GRIN2A: variants seen among roughly 807,000 people sequenced by gnomAD.
GRIN2A encodes glutamate receptor ionotropic, NMDA 2A.
In GRIN2A, 22 loss-of-function variants were observed where a neutral mutation model predicts 113.4. That is an observed-to-expected ratio of 0.19 (90% confidence interval 0.14 to 0.28). The LOEUF is 0.28. GRIN2A is among the 10% of genes least tolerant of loss of function. The pLI is 1.00. For missense variants in GRIN2A, 1,502 were observed against 1,887.0 expected (o/e 0.80, Z 3.78); for synonymous variants, 827 against 738.4 (o/e 1.12, Z -1.94).
chr16:9,909,149 G>C (rs2044085146), intron 3 of GRIN2A, among the ~76,000 whole-genome samples: 2 of 152,188 alleles, frequency 1.3e-5, no homozygotes, highest in South Asian at 4.1e-4. Context: ...TTACATGGAA[G>C]GGAGCAGGCA....
intron 3 of GRIN2A, among the ~76,000 whole-genome samples, chr16:9,928,073 G>A (rs531160292): frequency 6.6e-6 from 1 of 152,306 alleles, no homozygotes; most frequent in South Asian, 2.1e-4. Flanking sequence ...CCATGCCCAC[G>A]CAGAACACAG....
intron 2 of GRIN2A, among the ~76,000 whole-genome samples, chr16:10,045,013 C>T (rs780339347): frequency 1.5e-4 from 23 of 152,080 alleles, no homozygotes; most frequent in Non-Finnish European, 2.2e-4. Flanking sequence ...AAACATTTAC[C>T]GTACATTATC....
At chr16:10,172,437 C>T (rs891241601) in intron 2 of GRIN2A, among the ~76,000 whole-genome samples, 1 of 152,226 alleles carries the variant, frequency 6.6e-6, no homozygotes, top group African/African-American at 2.4e-5. Context: ...CCAGGAGCAG[C>T]CCCTGGAAGA....
At chr16:10,096,368 C>CTTCTCACCCAGTAGGTCTT (rs1477932934) in intron 2 of GRIN2A, among the ~76,000 whole-genome samples, 1 of 152,098 alleles carries the variant, frequency 6.6e-6, no homozygotes, top group Non-Finnish European at 1.5e-5. Flanking sequence ...GATTCTTGGG[C>CTTCTCACCCAGTAGGTCTT]CTCACCCAGA....
chr16:10,069,142 G>T (rs935465031), intron 2 of GRIN2A, among the ~76,000 whole-genome samples: 1 of 152,150 alleles, frequency 6.6e-6, no homozygotes, highest in Admixed American at 6.5e-5. Flanking sequence ...GGCTGCAAAG[G>T]AAAGGATGAA....
chr16:9,763,456 G>A lies in GRIN2A; in HGVS notation c.4088C>T (p.Ser1363Phe), dbSNP rs2141126757. Residue 1363 changes from serine (S) to phenylalanine (F), a missense_variant, in exon 13 of 13, where the codon TCC becomes TTC. Physicochemically the swap from Ser to Phe is radical, Grantham distance 155. Transcript: ENST00000330684. The stretch of plus-strand genomic sequence containing the variant: ...GTGGGAGTGGAGGAAAGGGTTATCG[G>A]AGGTGTGGTCTGGCAAGAGAGACTT... ...RSKSLLPDHT[S>F]DNPFLHSHRD... 6.2e-7 allele frequency: 1 copy of A among 1,614,076 alleles called. No homozygotes were observed. Among genetic ancestry groups the A allele is most frequent in the Non-Finnish European group, 8.5e-7 (1 of 1,179,962 alleles).
intron 2 of GRIN2A, among the ~76,000 whole-genome samples, chr16:10,053,893 G>A (rs975035445): frequency 1.3e-4 from 19 of 151,808 alleles, no homozygotes; most frequent in Admixed American, 1.2e-3. Context: ...AAGAAACAAA[G>A]CCAAAGAAAG....
At chr16:9,993,770 T>C (rs1428755492) in intron 2 of GRIN2A, among the ~76,000 whole-genome samples, 1 of 152,078 alleles carries the variant, frequency 6.6e-6, no homozygotes. Context: ...AATCTGCCCC[T>C]AACTCCAACC....
rs184843694 is a variant in GRIN2A, at chr16:9,760,175, G to A, written c.*2974C>T. 66 of 225,872 alleles carry A rather than the reference G, an allele frequency of 2.9e-4. No individual in the cohort carries two copies. The highest frequency in any genetic ancestry group is 1.4e-3 in the African/African-American group (61 of 44,994). The allele number at this position is 225,872 out of a possible 1,614,324, so 14.0% of individuals were successfully genotyped here. ...AGAACTCAGAGCTGGGATATGTTACGGGAATCTTCTGTGATAGATCTATAG... is the reference window on the plus strand; with the variant it reads ...AGAACTCAGAGCTGGGATATGTTACAGGAATCTTCTGTGATAGATCTATAG... On this transcript the variant is annotated 3_prime_UTR_variant, in exon 13 of 13. Coordinates refer to ENST00000330684, the MANE Select transcript of GRIN2A (RefSeq NM_001134407.3).
At chr16:9,814,622 T>C (rs2042151556) in intron 10 of GRIN2A, among the ~76,000 whole-genome samples, 1 of 152,178 alleles carries the variant, frequency 6.6e-6, no homozygotes, top group South Asian at 2.1e-4. Context: ...CCCTCTTCCT[T>C]GTCCTGTTTA....
intron 2 of GRIN2A, among the ~76,000 whole-genome samples, chr16:9,982,463 A>T (rs1253768894): frequency 1.3e-5 from 2 of 152,204 alleles, no homozygotes; most frequent in Non-Finnish European, 2.9e-5. Flanking sequence ...CTACGCCAAA[A>T]AGAGAAATCT....
intron 2 of GRIN2A, among the ~76,000 whole-genome samples, chr16:10,012,929 A>G (rs2046535437): frequency 6.6e-6 from 1 of 152,242 alleles, no homozygotes; most frequent in African/African-American, 2.4e-5. Context: ...TATTTCAGCA[A>G]TAGGCAACTA....
intron 2 of GRIN2A, among the ~76,000 whole-genome samples, chr16:9,999,423 T>A (rs2046283573): frequency 6.6e-6 from 1 of 152,198 alleles, no homozygotes; most frequent in Admixed American, 6.5e-5. Flanking sequence ...TAAAAAAGGA[T>A]GAGTTCATGT....
chr16:9,813,199 G>A (rs1188727881), intron 10 of GRIN2A, among the ~76,000 whole-genome samples: 1 of 152,164 alleles, frequency 6.6e-6, no homozygotes, highest in Non-Finnish European at 1.5e-5. Context: ...TATTCCTCTA[G>A]CTCAATGAAA....
intron 2 of GRIN2A, among the ~76,000 whole-genome samples, chr16:9,998,572 T>G (rs2046266869): frequency 6.6e-6 from 1 of 152,214 alleles, no homozygotes; most frequent in African/African-American, 2.4e-5. Flanking sequence ...TTTACTGCAA[T>G]AAAAAACATA....
intron 2 of GRIN2A, among the ~76,000 whole-genome samples, chr16:10,017,945 T>G (rs759499603): frequency 6.6e-5 from 10 of 152,234 alleles, no homozygotes; most frequent in Non-Finnish European, 1.3e-4. Context: ...GGCATTAATT[T>G]CTATTCTCTA....
At chr16:10,170,374 G>C (rs966409298) in intron 2 of GRIN2A, among the ~76,000 whole-genome samples, 1 of 152,178 alleles carries the variant, frequency 6.6e-6, no homozygotes, top group African/African-American at 2.4e-5. Flanking sequence ...ACTTCCACTT[G>C]TAAGGTAAAT....
intron 2 of GRIN2A, among the ~76,000 whole-genome samples, chr16:10,104,859 G>A (rs981583492): frequency 1.3e-5 from 2 of 152,138 alleles, no homozygotes; most frequent in African/African-American, 2.4e-5. Context: ...CCTTGTGAGC[G>A]CAGAGTGTAG....
chr16:10,095,506 A>G (rs1236852845), intron 2 of GRIN2A, among the ~76,000 whole-genome samples: 1 of 152,248 alleles, frequency 6.6e-6, no homozygotes, highest in Non-Finnish European at 1.5e-5. Context: ...ACACTAGTAA[A>G]GAGAAGGAAT....
Sources: gnomAD v4.1 joint callset for allele counts (sites outside exome capture counted in the v4.1 genomes callset) on GRCh38, gnomAD v4.1.1 for gene constraint, MANE v1.5 for transcripts, NCBI Gene and HGNC (gene_info 2026-07-23, HGNC 2026-07-21) for gene names.